Variants in ZFAT observed in about 807,000 individuals in gnomAD.
ZFAT encodes zinc finger protein ZFAT.
ZFAT carries 64 observed loss-of-function variants against 117.7 expected under a neutral mutation model. The observed-to-expected ratio is 0.54, with a 90% CI of 0.44 to 0.67. The LOEUF is 0.67. Among genes scored for constraint, ZFAT ranks in the 30% least tolerant of loss-of-function variants. The probability of loss-of-function intolerance (pLI) is 0.00; values close to 1 mark genes in which losing one functional copy is unlikely to be tolerated. For synonymous variants in ZFAT, 679 were observed against 615.0 expected (o/e 1.10, Z -1.54); for missense variants, 1,433 against 1,584.5 (o/e 0.90, Z 1.62).
At chr8:134,811,559 T>G in the ZFAT span, among the ~76,000 whole-genome samples, 1 of 152,170 alleles carries the variant, frequency 6.6e-6, no homozygotes, top group Non-Finnish European at 1.5e-5. Flanking sequence ...GCATGTCTGT[T>G]TCTCTTCAGC....
Position 134,509,673 on chromosome 8 carries a change from A to G in ZFAT, c.3438T>C (p.Thr1146=). 6.2e-7 allele frequency: 1 copy of G among 1,613,360 alleles called. No homozygotes were observed. The highest frequency in any genetic ancestry group is 1.1e-5 in the South Asian group (1 of 91,042). The change falls in exon 15 of 16, where the codon ACT becomes ACC. Residue 1146 remains threonine, a synonymous_variant. Coordinates refer to ENST00000377838, the MANE Select transcript of ZFAT (RefSeq NM_020863.4). ...CCATGGCAACCACCGAGGCAAGGGC[A>G]GTGGCGTCATGGGTCTCGGCGCCCA... ...IELGAETHDA[T]ALASVVAMAP... is the part of the protein sequence containing the mutation.
intron 1 of ZFAT, among the ~76,000 whole-genome samples, chr8:134,675,792 C>T (rs1247443246): frequency 6.6e-6 from 1 of 152,202 alleles, no homozygotes; most frequent in Non-Finnish European, 1.5e-5. Context: ...CAATATTCAA[C>T]ATTCTTGAAG....
chr8:134,619,515 G>A (rs941254971), intron 3 of ZFAT, among the ~76,000 whole-genome samples: 3 of 152,100 alleles, frequency 2.0e-5, no homozygotes, highest in Admixed American at 1.3e-4. Flanking sequence ...TGAGTGGCTT[G>A]CCTGTCTATT....
At chr8:134,667,105 A>C (rs944080475) in intron 1 of ZFAT, among the ~76,000 whole-genome samples, 2 of 152,150 alleles carry the variant, frequency 1.3e-5, no homozygotes, top group African/African-American at 4.8e-5. Flanking sequence ...GGACATAGGG[A>C]GGGGAACATC....
At chr8:134,606,729 GAAAA>G (rs75459456) in intron 5 of ZFAT, among the ~76,000 whole-genome samples, 1 of 47,910 alleles carries the variant, frequency 2.1e-5, no homozygotes, top group Non-Finnish European at 5.1e-5. Context: ...CTCTGTCTCA[GAAAA>G]AAAAAAAAAA....
chr8:134,624,524 G>T (rs1366434688), intron 3 of ZFAT, among the ~76,000 whole-genome samples: 1 of 152,150 alleles, frequency 6.6e-6, no homozygotes, highest in Non-Finnish European at 1.5e-5. Flanking sequence ...GGGCATGGGG[G>T]CGCACACCTA....
At chr8:134,565,226 C>A in intron 11 of ZFAT, 107 bp downstream of exon 11, 1 of 1,564,452 alleles carries the variant, frequency 6.4e-7, no homozygotes, top group Non-Finnish European at 8.6e-7. Context: ...GGCCCCAAAG[C>A]GAAGGTAAAA....
the ZFAT span, chr8:134,800,593 G>A: frequency 2.9e-5 from 15 of 512,806 alleles, no homozygotes; most frequent in East Asian, 7.8e-4. Flanking sequence ...ATGTTTACAT[G>A]AACTGAAACT....
the ZFAT span, among the ~76,000 whole-genome samples, chr8:134,829,976 G>A: frequency 6.6e-6 from 1 of 152,098 alleles, no homozygotes; most frequent in Non-Finnish European, 1.5e-5. Flanking sequence ...ATAAACGCTC[G>A]ATAAAAATGA....
At chr8:134,714,265 T>A (rs1377342581), upstream of ZFAT, among the ~76,000 whole-genome samples, 3 of 152,156 alleles carry the variant, frequency 2.0e-5, no homozygotes, top group Non-Finnish European at 4.4e-5. Context: ...CATGAAATTC[T>A]CGGACAGCCC....
intron 15 of ZFAT, among the ~76,000 whole-genome samples, chr8:134,497,870 A>C (rs375245848): frequency 1.7e-3 from 103 of 61,480 alleles, no homozygotes; most frequent in Admixed American, 2.7e-3. Flanking sequence ...GGGATGCCCC[A>C]GCTGCTGGTT....
At chr8:134,685,383 T>G (rs1833270885) in intron 1 of ZFAT, among the ~76,000 whole-genome samples, 1 of 152,218 alleles carries the variant, frequency 6.6e-6, no homozygotes, top group Non-Finnish European at 1.5e-5. Context: ...CTGTGAGGAA[T>G]GCAAGTCTTG....
intron 1 of ZFAT, among the ~76,000 whole-genome samples, chr8:134,690,079 T>C (rs569032616): frequency 1.4e-4 from 21 of 152,376 alleles, no homozygotes; most frequent in African/African-American, 4.6e-4. Context: ...CAGTGTGTTA[T>C]TTTTCACCTA....
intron 2 of ZFAT, among the ~76,000 whole-genome samples, chr8:134,645,232 G>T (rs796383291): frequency 3.0e-4 from 45 of 152,290 alleles, no homozygotes; most frequent in African/African-American, 1.0e-3. Context: ...TCAGTTAAAG[G>T]TTTAATTAAA....
At position 134,566,372 on chromosome 8, in the gene ZFAT, C is replaced by T. The variant is rs551344387; in HGVS notation, c.2888-951G>A. Among the ~76,000 whole-genome samples the T allele has an allele frequency of 6.1e-3, 618 of 101,182 alleles. 2 individuals carry two copies. Among genetic ancestry groups the T allele is most frequent in the Admixed American group, 0.013 (83 of 6,486 alleles). 66.4% of individuals were successfully genotyped at this position (101,182 alleles called of 152,430 possible). On this transcript the variant is annotated intron_variant, in intron 10 of 15. Coordinates refer to ENST00000377838, the MANE Select transcript of ZFAT (RefSeq NM_020863.4). ...TAGCGCTACTGCACCCCAGCCTGGG[C>T]GACAGAGCAAGACTCCAACTCAAAA... is the stretch of plus-strand genomic sequence containing the variant.
intron 9 of ZFAT, among the ~76,000 whole-genome samples, chr8:134,586,300 C>A (rs1257532532): frequency 1.3e-5 from 2 of 152,222 alleles, no homozygotes; most frequent in Non-Finnish European, 2.9e-5. Flanking sequence ...TTACTTAACA[C>A]AACAGCATCA....
intron 5 of ZFAT, among the ~76,000 whole-genome samples, chr8:134,606,331 A>T (rs1452555057): frequency 6.6e-6 from 1 of 152,254 alleles, no homozygotes; most frequent in Non-Finnish European, 1.5e-5. Flanking sequence ...ATAACACTAT[A>T]TCCTCATGAA....
At chr8:134,491,052 T>C (rs1818021500) in intron 15 of ZFAT, among the ~76,000 whole-genome samples, 1 of 152,216 alleles carries the variant, frequency 6.6e-6, no homozygotes, top group Non-Finnish European at 1.5e-5. Context: ...CAAGAATTGT[T>C]CTGTTCTCAC....
At chr8:134,611,028 T>A (rs1023497578) in intron 3 of ZFAT, among the ~76,000 whole-genome samples, 18 of 152,358 alleles carry the variant, frequency 1.2e-4, no homozygotes, top group African/African-American at 4.3e-4. Flanking sequence ...CATTCACTTA[T>A]TCAACTTACA....
Sources: allele counts gnomAD v4.1 joint callset (sites outside exome capture counted in the v4.1 genomes callset), GRCh38; gene constraint gnomAD v4.1.1; transcripts MANE v1.5; gene names NCBI Gene and HGNC (gene_info 2026-07-23, HGNC 2026-07-21).